OPCML: variants seen among roughly 807,000 people sequenced by gnomAD.
OPCML encodes opioid-binding protein/cell adhesion molecule.
OPCML carries 13 observed loss-of-function variants against 37.8 expected under a neutral mutation model. That is an observed-to-expected ratio of 0.34 (90% confidence interval 0.22 to 0.55). OPCML has a LOEUF of 0.55. Ranked by LOEUF, OPCML falls within the 20% of genes least tolerant of loss-of-function variation. The pLI, the probability that OPCML is intolerant of heterozygous loss-of-function variation, is 0.91. For synonymous variants in OPCML, 176 were observed against 168.8 expected (o/e 1.04, Z -0.33); for missense variants, 341 against 435.6 (o/e 0.78, Z 1.93).
intron 2 of OPCML, among the ~76,000 whole-genome samples, chr11:132,760,882 T>C (rs982991986): frequency 6.6e-6 from 1 of 152,210 alleles, no homozygotes; most frequent in African/African-American, 2.4e-5. Flanking sequence ...TGATGCAGTT[T>C]CTTTACAGTG....
intron 1 of OPCML, among the ~76,000 whole-genome samples, chr11:133,106,877 C>A (rs1032030957): frequency 1.3e-5 from 2 of 152,220 alleles, no homozygotes; most frequent in African/African-American, 4.8e-5. Context: ...GGCCTAGCCC[C>A]ACTCAAGGTA....
At chr11:133,396,368 C>A (rs540423653) in intron 1 of OPCML, among the ~76,000 whole-genome samples, 8 of 152,042 alleles carry the variant, frequency 5.3e-5, no homozygotes, top group Non-Finnish European at 7.4e-5. Context: ...AATTTGAATG[C>A]CCTTTATTTT....
chr11:133,298,698 G>A (rs942613435), intron 1 of OPCML: 11 of 152,210 alleles, frequency 7.2e-5, no homozygotes, highest in African/African-American at 2.6e-4. Flanking sequence ...GTTGATTCCT[G>A]GCCTGCTCAC....
At chr11:133,202,895 G>T (rs566160119) in intron 1 of OPCML, among the ~76,000 whole-genome samples, 1 of 152,340 alleles carries the variant, frequency 6.6e-6, no homozygotes, top group South Asian at 2.1e-4. Flanking sequence ...GCAGCTCAGC[G>T]CTTCTGCTTA....
rs181078819 is a variant in OPCML at position 133,193,083 on chromosome 11, T to C, written c.62-250073A>G. 3.3e-5 allele frequency among the ~76,000 whole-genome samples: 5 copies of C among 152,264 alleles called. No individual in the cohort carries two copies. In the East Asian group the frequency reaches 9.7e-4, roughly 29 times the overall value. ...AAAAAAAACCAGAATTGAGTGCTTT[T>C]GTTGATAGTGGTCCTTCTGGTGGTG... is the stretch of plus-strand genomic sequence containing the variant. On this transcript the variant is annotated intron_variant, in intron 1 of 7. Coordinates refer to ENST00000524381, the MANE Select transcript of OPCML (RefSeq NM_001012393.5).
At chr11:132,436,385 G>T in intron 6 of OPCML, 148 bp from the exon 7 acceptor site, 1 of 1,536,216 alleles carries the variant, frequency 6.5e-7, no homozygotes, top group Non-Finnish European at 8.7e-7. Flanking sequence ...TGATGCTCTT[G>T]CCCAATGGGA....
At chr11:132,867,476 T>C (rs550769853) in intron 2 of OPCML, among the ~76,000 whole-genome samples, 1 of 152,288 alleles carries the variant, frequency 6.6e-6, no homozygotes, top group South Asian at 2.1e-4. Flanking sequence ...TTTGGGGCTG[T>C]GAAAGATGAT....
At chr11:133,292,325 C>A (rs1289683724) in intron 1 of OPCML, among the ~76,000 whole-genome samples, 1 of 152,170 alleles carries the variant, frequency 6.6e-6, no homozygotes, top group Non-Finnish European at 1.5e-5. Context: ...TTCATAGTGG[C>A]TTTTCCGTTT....
At chr11:132,489,242 C>T (rs2096208766) in intron 4 of OPCML, among the ~76,000 whole-genome samples, 1 of 152,194 alleles carries the variant, frequency 6.6e-6, no homozygotes, top group Admixed American at 6.5e-5. Context: ...TCCACCTCCA[C>T]ATCCCGCCCC....
At chr11:133,236,026 T>C (rs1216515067) in intron 1 of OPCML, among the ~76,000 whole-genome samples, 1 of 152,228 alleles carries the variant, frequency 6.6e-6, no homozygotes, top group Admixed American at 6.5e-5. Flanking sequence ...TTTTCTCCTA[T>C]ACATACATCC....
rs899505396 is a variant in OPCML at position 132,419,476 on chromosome 11, A to G, written c.*717T>C. 14 of 152,210 alleles carry G rather than the reference A, an allele frequency of 9.2e-5. No individual in the cohort carries two copies. The highest frequency in any genetic ancestry group is 4.6e-4 in the Admixed American group (7 of 15,276). 9.4% of individuals were successfully genotyped at this position (152,210 alleles called of 1,614,324 possible). A position where few individuals can be genotyped will look rare whatever the true frequency, so the allele number is the denominator to read the frequency against. On this transcript the variant is annotated 3_prime_UTR_variant, in exon 8 of 8. Coordinates refer to ENST00000524381, the MANE Select transcript of OPCML (RefSeq NM_001012393.5). ...TTTTTAAAATAGAGGTTCTATCTTC[A>G]AAATGCCTCCCCCTTTTTTGGTTAC...
Position 133,309,539 on chromosome 11 carries a change from G to A in OPCML, c.61+222725C>T, listed in dbSNP as rs1011894970. 2.0e-5 allele frequency among the ~76,000 whole-genome samples: 3 copies of A among 152,218 alleles called. No homozygotes were observed. In the South Asian group the frequency reaches 6.2e-4, roughly 32 times the overall value. Reference sequence around the variant, plus strand: ...TAAATGCAATGTGGGATCCTGGATTGAATCTTGTGACAGAAAACAGAACTG... The same window carrying A: ...TAAATGCAATGTGGGATCCTGGATTAAATCTTGTGACAGAAAACAGAACTG... On this transcript the variant is annotated intron_variant, in intron 1 of 7. Transcript: ENST00000524381.
At chr11:133,267,670 T>A (rs928127096) in intron 1 of OPCML, among the ~76,000 whole-genome samples, 1 of 152,174 alleles carries the variant, frequency 6.6e-6, no homozygotes, top group African/African-American at 2.4e-5. Context: ...CCAAATCTCA[T>A]CTGGAATTGT....
intron 4 of OPCML, among the ~76,000 whole-genome samples, chr11:132,521,555 C>T (rs2096293797): frequency 6.6e-6 from 1 of 151,972 alleles, no homozygotes; most frequent in Non-Finnish European, 1.5e-5. Context: ...AAACCAAATA[C>T]TGCATGTTCT....
chr11:133,126,184 G>A (rs1263578304), intron 1 of OPCML, among the ~76,000 whole-genome samples: 1 of 151,996 alleles, frequency 6.6e-6, no homozygotes. Flanking sequence ...AAGCAGGAAA[G>A]CCAGTGGTAT....
rs571095817 is a variant in OPCML, at chr11:132,602,308, A to T, written c.379+54779T>A. 3.3e-5 allele frequency among the ~76,000 whole-genome samples: 5 copies of T among 152,334 alleles called. No homozygotes were observed. The South Asian group carries it at 8.3e-4, about 25-fold the overall frequency. ...GACACCATATATTCTCACCTACAAG[A>T]TGTGTTATTTTCAAGGAAATGTCAA... On this transcript the variant is annotated intron_variant, in intron 3 of 7. Transcript: ENST00000524381.
intron 1 of OPCML, among the ~76,000 whole-genome samples, chr11:133,420,057 T>C (rs1445659994): frequency 6.6e-6 from 1 of 152,248 alleles, no homozygotes; most frequent in African/African-American, 2.4e-5. Flanking sequence ...GAGAATCAAT[T>C]AAGCTTTACC....
At chr11:133,420,706 G>T (rs1945868510) in intron 1 of OPCML, 2 of 985,264 alleles carry the variant, frequency 2.0e-6, no homozygotes, top group South Asian at 4.7e-5. Flanking sequence ...ACCCTAAATT[G>T]TCCAGTGGCA....
rs1939182668 is a variant in OPCML at position 133,208,066 on chromosome 11, G to A, written c.62-265056C>T. Among the ~76,000 whole-genome samples, 1 of 152,070 alleles carries A rather than the reference G, an allele frequency of 6.6e-6. No homozygotes were observed. On this transcript the variant is annotated intron_variant, in intron 1 of 7. Coordinates refer to ENST00000524381, the MANE Select transcript of OPCML (RefSeq NM_001012393.5). This position sits in a 1 kb window ranked among gnomAD's most constrained non-coding sequence, Gnocchi z 8.9. ...CAAGGTTAAGAGCTCCTTACTCTGA[G>A]CTCCCATAGCATTATTTTTTTCTCT...
Sources: allele counts gnomAD v4.1 joint callset (sites outside exome capture counted in the v4.1 genomes callset), GRCh38; gene constraint gnomAD v4.1.1; non-coding constraint Gnocchi (gnomAD v3.1); transcripts MANE v1.5; gene names NCBI Gene and HGNC (gene_info 2026-07-23, HGNC 2026-07-21).